Variants in MGAT4C observed in about 807,000 individuals in gnomAD.
MGAT4C encodes the protein alpha-1,3-mannosyl-glycoprotein 4-beta-N-acetylglucosaminyltransferase C.
MGAT4C carries 19 observed loss-of-function variants against 40.1 expected under a neutral mutation model. The ratio of observed to expected loss-of-function variants is 0.47; its 90% CI spans 0.33 to 0.70. MGAT4C has a LOEUF of 0.70. Among genes scored for constraint, MGAT4C ranks in the 30% least tolerant of loss-of-function variants. The pLI is 0.02. For synonymous variants in MGAT4C, 181 were observed against 187.1 expected (o/e 0.97, Z 0.27); for missense variants, 491 against 563.2 (o/e 0.87, Z 1.30).
chr12:86,401,290 G>GTT (rs1956358434), intron 3 of MGAT4C, among the ~76,000 whole-genome samples: 1 of 150,106 alleles, frequency 6.7e-6, no homozygotes, highest in Non-Finnish European at 1.5e-5. Context: ...GTATGTGGGT[G>GTT]TGTGTGTGTG....
chr12:86,634,160 C>T (rs186164771), intron 2 of MGAT4C, among the ~76,000 whole-genome samples: 1 of 152,036 alleles, frequency 6.6e-6, no homozygotes, highest in African/African-American at 2.4e-5. Context: ...GATTAGTAGA[C>T]TAAAAGCAGT....
chr12:86,768,233 A>C (rs1249900663), intron 1 of MGAT4C, among the ~76,000 whole-genome samples: 1 of 152,212 alleles, frequency 6.6e-6, no homozygotes, highest in Non-Finnish European at 1.5e-5. Flanking sequence ...GCAGACAAAC[A>C]GAGAGCTAAA....
At chr12:86,397,357 T>A (rs927841215) in intron 3 of MGAT4C, among the ~76,000 whole-genome samples, 1 of 152,126 alleles carries the variant, frequency 6.6e-6, no homozygotes, top group Non-Finnish European at 1.5e-5. Flanking sequence ...CTCTTTTGAA[T>A]CAACTTGATT....
chr12:86,823,817 A>G (rs1936154108), intron 1 of MGAT4C, among the ~76,000 whole-genome samples: 1 of 151,264 alleles, frequency 6.6e-6, no homozygotes, highest in Non-Finnish European at 1.5e-5. Flanking sequence ...AGAAAACAGT[A>G]GAAGTGAAAC....
At chr12:86,778,242 CTTCA>C (rs1365586804) in intron 1 of MGAT4C, among the ~76,000 whole-genome samples, 1 of 152,140 alleles carries the variant, frequency 6.6e-6, no homozygotes, top group Non-Finnish European at 1.5e-5. Flanking sequence ...AGTTTTCAAT[CTTCA>C]TTCAAGTGTG....
intron 1 of MGAT4C, among the ~76,000 whole-genome samples, chr12:86,108,772 A>T (rs1429131584): frequency 3.3e-5 from 5 of 152,166 alleles, no homozygotes; most frequent in African/African-American, 1.2e-4. Context: ...CAGGACCACC[A>T]TCATGAATAT....
chr12:86,682,649 C>T (rs1170339551), intron 2 of MGAT4C, among the ~76,000 whole-genome samples: 2 of 152,092 alleles, frequency 1.3e-5, no homozygotes, highest in Non-Finnish European at 2.9e-5. Flanking sequence ...ACCTGCAATA[C>T]TATGCATTTA....
chr12:86,489,584 C>T (rs1281621911), intron 2 of MGAT4C, among the ~76,000 whole-genome samples: 2 of 152,208 alleles, frequency 1.3e-5, no homozygotes, highest in African/African-American at 4.8e-5. Flanking sequence ...GCATTGGGAT[C>T]ACAGGCACCC....
chr12:86,103,656 A>T (rs1592946332), intron 1 of MGAT4C, among the ~76,000 whole-genome samples: 1 of 152,128 alleles, frequency 6.6e-6, no homozygotes, highest in East Asian at 1.9e-4. Context: ...TTGTCTGTCT[A>T]AACTAATATA....
At chr12:86,010,543 T>C (rs1298947076) in intron 2 of MGAT4C, among the ~76,000 whole-genome samples, 1 of 152,132 alleles carries the variant, frequency 6.6e-6, no homozygotes, top group Non-Finnish European at 1.5e-5. Context: ...CCATGCGTGG[T>C]GGTGCACACC....
intron 2 of MGAT4C, among the ~76,000 whole-genome samples, chr12:86,690,708 G>T (rs910161345): frequency 6.6e-6 from 1 of 152,120 alleles, no homozygotes. Context: ...TTCTGCTTTG[G>T]TCTCACTAGG....
chr12:86,727,162 A>G (rs984246312), intron 2 of MGAT4C: 5 of 152,162 alleles, frequency 3.3e-5, no homozygotes, highest in Non-Finnish European at 7.4e-5. Context: ...TAAAGTCTCA[A>G]CATATAAAAC....
intron 2 of MGAT4C, among the ~76,000 whole-genome samples, chr12:86,437,155 T>G (rs1957151597): frequency 6.6e-6 from 1 of 151,846 alleles, no homozygotes; most frequent in African/African-American, 2.4e-5. Flanking sequence ...TTCTAATCAT[T>G]ATTAAAAACA....
intron 4 of MGAT4C, among the ~76,000 whole-genome samples, chr12:86,302,947 G>A (rs1189999333): frequency 6.6e-6 from 1 of 150,638 alleles, no homozygotes; most frequent in African/African-American, 2.5e-5. Context: ...GTTTTACCTT[G>A]AGGAAAGGAA....
At chr12:86,703,811 G>C (rs745893446) in intron 2 of MGAT4C, among the ~76,000 whole-genome samples, 11 of 152,116 alleles carry the variant, frequency 7.2e-5, no homozygotes, top group Non-Finnish European at 1.3e-4. Flanking sequence ...ATCACTTAGA[G>C]GTTTTGGTAT....
chr12:86,356,193 C>T (rs1238749246), intron 3 of MGAT4C, among the ~76,000 whole-genome samples: 3 of 152,030 alleles, frequency 2.0e-5, no homozygotes, highest in Non-Finnish European at 2.9e-5. Flanking sequence ...CAAGAAAAGG[C>T]TTAAAAGTAT....
chr12:86,111,798 G>A (rs556539188), intron 1 of MGAT4C, among the ~76,000 whole-genome samples: 1 of 151,866 alleles, frequency 6.6e-6, no homozygotes, highest in Non-Finnish European at 1.5e-5. Flanking sequence ...ACAGAAGCAT[G>A]TTACATTAGC....
At chr12:86,424,755 A>AT (rs963049806) in intron 3 of MGAT4C, among the ~76,000 whole-genome samples, 1 of 152,096 alleles carries the variant, frequency 6.6e-6, no homozygotes, top group Non-Finnish European at 1.5e-5. Context: ...TACTACTAAA[A>AT]ATATATATAC....
At chr12:86,794,214 C>T (rs907977671) in intron 1 of MGAT4C, among the ~76,000 whole-genome samples, 5 of 151,372 alleles carry the variant, frequency 3.3e-5, no homozygotes, top group African/African-American at 1.2e-4. Context: ...TATTAAAATG[C>T]TTATATTGTG....
Sources: allele counts gnomAD v4.1 joint callset (sites outside exome capture counted in the v4.1 genomes callset), GRCh38; gene constraint gnomAD v4.1.1; transcripts MANE v1.5; gene names NCBI Gene and HGNC (gene_info 2026-07-23, HGNC 2026-07-21).